The following ME2 variants were observed in gnomAD, a reference collection of about 807,000 sequenced individuals.
ME2 encodes NAD-dependent malic enzyme, mitochondrial.
A neutral mutation model predicts 73.7 loss-of-function variants in ME2; 60 were observed. The ratio of observed to expected loss-of-function variants is 0.81; its 90% confidence interval spans 0.66 to 1.01. The LOEUF (loss-of-function observed/expected upper bound fraction) is 1.01. Among genes scored for constraint, ME2 ranks in the 50% least tolerant of loss-of-function variants. The probability of loss-of-function intolerance (pLI) is 0.00; values close to 1 mark genes in which losing one functional copy is unlikely to be tolerated. For missense variants in ME2, 594 were observed against 705.5 expected, an observed-to-expected ratio of 0.84 and a Z score of 1.79; for synonymous variants, 199 against 236.9, an observed-to-expected ratio of 0.84 and a Z score of 1.47.
At chr18:50,901,826 G>A (rs1273362880) in intron 2 of ME2, among the ~76,000 whole-genome samples, 2 of 152,116 alleles carry the variant, frequency 1.3e-5, no homozygotes, top group Non-Finnish European at 2.9e-5. Flanking sequence ...TGGGCTAAAG[G>A]TATAGGAGTC....
chr18:50,886,274 C>T (rs1435096048), intron 1 of ME2, among the ~76,000 whole-genome samples: 2 of 146,118 alleles, frequency 1.4e-5, no homozygotes, highest in African/African-American at 2.5e-5. Context: ...GATGGAGTCT[C>T]ACTCCGTTGC....
At chr18:50,882,566 T>A (rs915947322) in intron 1 of ME2, among the ~76,000 whole-genome samples, 14 of 152,024 alleles carry the variant, frequency 9.2e-5, no homozygotes, top group African/African-American at 2.7e-4. Context: ...TGCCAACAAG[T>A]AAAAAACTGT....
intron 3 of ME2, among the ~76,000 whole-genome samples, chr18:50,910,268 C>CAA (rs74176794): frequency 0.14 from 4,865 of 35,220 alleles, 873 homozygotes; most frequent in African/African-American, 0.3. Flanking sequence ...CCTGTTTCTA[C>CAA]AAAAAAAAAA....
At chr18:50,889,219 T>C (rs1272580645) in intron 1 of ME2, among the ~76,000 whole-genome samples, 7 of 152,212 alleles carry the variant, frequency 4.6e-5, no homozygotes, top group Non-Finnish European at 8.8e-5. Context: ...GCTAGTCACC[T>C]GAGGTGACTT....
At position 50,946,907 on chromosome 18, in the gene ME2, A is replaced by G. The variant is rs115004674; in HGVS notation, c.1588-110A>G. The G allele has an allele frequency of 1.1e-3, 856 of 791,942 alleles. 2 individuals carry two copies. The highest frequency in any genetic ancestry group is 2.8e-3 in the African/African-American group (162 of 57,184). 49.1% of individuals were successfully genotyped at this position (791,942 alleles called of 1,614,324 possible). On this transcript the variant is annotated intron_variant, in intron 15 of 15. Coordinates refer to ENST00000321341, the MANE Select transcript of ME2 (RefSeq NM_002396.5). The stretch of plus-strand genomic sequence containing the variant: ...AAGCAATGTTATTTTTTACTGTGAA[A>G]AAAGAAGAATGCCATTCTTCTAAAC...
At chr18:50,939,128 C>CAAAAA (rs373819939) in intron 13 of ME2, 1 of 57,826 alleles carries the variant, frequency 1.7e-5, no homozygotes, top group South Asian at 6.7e-4. Context: ...TAAGAGAAGG[C>CAAAAA]AAAAAAAAAA....
At chr18:50,904,401 C>G (rs1165979314) in intron 2 of ME2, among the ~76,000 whole-genome samples, 1 of 151,578 alleles carries the variant, frequency 6.6e-6, no homozygotes, top group Non-Finnish European at 1.5e-5. Flanking sequence ...GCCTCAGCTT[C>G]CCAAGTAGCT....
At chr18:50,883,605 G>C (rs1029152707) in intron 1 of ME2, among the ~76,000 whole-genome samples, 2 of 152,222 alleles carry the variant, frequency 1.3e-5, no homozygotes, top group African/African-American at 4.8e-5. Context: ...GCTCACACCT[G>C]TAATCCCAGC....
intron 13 of ME2, chr18:50,939,140 G>GAAAAAAAAAAAAAGA (rs56350434): frequency 3.4e-5 from 4 of 118,514 alleles, no homozygotes; most frequent in Admixed American, 8.7e-5. Context: ...AAAAAAAAAA[G>GAAAAAAAAAAAAAGA]AAAAAAAAAA....
chr18:50,903,837 C>A (rs371227944), intron 2 of ME2, among the ~76,000 whole-genome samples: 4 of 152,142 alleles, frequency 2.6e-5, no homozygotes, highest in African/African-American at 9.7e-5. Context: ...GAAAAAAAGA[C>A]GCAAGAGTGA....
intron 3 of ME2, among the ~76,000 whole-genome samples, chr18:50,910,077 G>A (rs1404004529): frequency 6.6e-6 from 1 of 152,038 alleles, no homozygotes; most frequent in African/African-American, 2.4e-5. Flanking sequence ...AAGGGCCAGG[G>A]TTGAGTAGAG....
chr18:50,941,353 CTTTTTTTTTTTTTTTTTTT>C (rs57428974), intron 15 of ME2, among the ~76,000 whole-genome samples: 1 of 63,820 alleles, frequency 1.6e-5, no homozygotes, highest in East Asian at 5.3e-4. Context: ...GTGATGGTTT[CTTTTTTTTTTTTTTTTTTT>C]TTTTTTTTTT....
chr18:50,909,356 C>G (rs1456306157), intron 3 of ME2, among the ~76,000 whole-genome samples: 2 of 152,152 alleles, frequency 1.3e-5, no homozygotes, highest in Non-Finnish European at 2.9e-5. Flanking sequence ...TTATTGGTCT[C>G]TAGACCACAA....
At chr18:50,942,731 G>C (rs1917992418) in intron 15 of ME2, 2 of 296,766 alleles carry the variant, frequency 6.7e-6, no homozygotes, top group Admixed American at 5.2e-5. Context: ...TAATATATAG[G>C]AAAAGGTAGG....
At chr18:50,918,293 C>T in intron 7 of ME2, 80 bp downstream of exon 7, 1 of 854,090 alleles carries the variant, frequency 1.2e-6, no homozygotes, top group Non-Finnish European at 1.8e-6. Flanking sequence ...GTTTTGTTTT[C>T]CTTTATTTCT....
chr18:50,945,581 T>G (rs1233096127), intron 15 of ME2, among the ~76,000 whole-genome samples: 1 of 152,130 alleles, frequency 6.6e-6, no homozygotes, highest in African/African-American at 2.4e-5. Context: ...TATCACAAAA[T>G]ACACTGAGAT....
intron 1 of ME2, among the ~76,000 whole-genome samples, chr18:50,889,429 A>C (rs894507877): frequency 1.3e-5 from 2 of 152,230 alleles, no homozygotes; most frequent in Non-Finnish European, 2.9e-5. Context: ...TGGCCTGTCC[A>C]GAGAGGGCAT....
intron 12 of ME2, among the ~76,000 whole-genome samples, chr18:50,927,041 C>A (rs1917569156): frequency 6.6e-6 from 1 of 152,074 alleles, no homozygotes; most frequent in Admixed American, 6.6e-5. Flanking sequence ...TTATTTACAT[C>A]CGAACTGTTT....
At chr18:50,887,590 A>G (rs758883517) in intron 1 of ME2, among the ~76,000 whole-genome samples, 27 of 152,232 alleles carry the variant, frequency 1.8e-4, no homozygotes, top group Admixed American at 1.6e-3. Flanking sequence ...CCACACCATA[A>G]GTAGAATCCT....
Sources: gnomAD v4.1 joint callset for allele counts (sites outside exome capture counted in the v4.1 genomes callset) on GRCh38, gnomAD v4.1.1 for gene constraint, MANE v1.5 for transcripts, NCBI Gene and HGNC (gene_info 2026-07-23, HGNC 2026-07-21) for gene names.